Variants in CCZ1 observed in about 807,000 individuals in gnomAD.
CCZ1 encodes the protein CCZ1 vacuolar protein trafficking and biogenesis associated.
In CCZ1, 19 loss-of-function variants were observed where a neutral mutation model predicts 57.8. The ratio of observed to expected loss-of-function variants is 0.33; its 90% confidence interval spans 0.23 to 0.48. The LOEUF is 0.48. CCZ1 is among the 20% of genes least tolerant of loss of function. The pLI is 0.99. For missense variants in CCZ1, 200 were observed against 492.0 expected, an observed-to-expected ratio of 0.41 and a Z score of 5.61; for synonymous variants, 81 against 167.0, an observed-to-expected ratio of 0.49 and a Z score of 3.97.
intron 8 of CCZ1, among the ~76,000 whole-genome samples, chr7:5,911,021 C>G (rs1170127165): frequency 1.3e-5 from 2 of 148,938 alleles, no homozygotes; most frequent in African/African-American, 2.5e-5. Flanking sequence ...CAGGCGTGAG[C>G]TACTGCTCCT....
chr7:5,906,323 CTTTT>C (rs398066572), intron 7 of CCZ1, among the ~76,000 whole-genome samples: 15,046 of 127,682 alleles, frequency 0.12, 1,408 homozygotes, highest in African/African-American at 0.25. Context: ...TTCTTTCTTT[CTTTT>C]TTTTTTTTTT....
At chr7:5,900,161 G>A (rs914193866) in intron 1 of CCZ1, 123 bp from the exon 2 acceptor site, 4 of 1,317,660 alleles carry the variant, frequency 3.0e-6, no homozygotes, top group South Asian at 1.6e-5. Flanking sequence ...TTCTAAAACC[G>A]GTTTTTGTTT....
intron 8 of CCZ1, among the ~76,000 whole-genome samples, chr7:5,910,596 G>A (rs1210466632): frequency 6.9e-6 from 1 of 144,500 alleles, no homozygotes; most frequent in African/African-American, 2.5e-5. Context: ...AAAGTGCTGG[G>A]ATTACAGGCG....
chr7:5,905,922 C>G (rs1438756918), intron 7 of CCZ1, among the ~76,000 whole-genome samples: 4 of 42,536 alleles, frequency 9.4e-5, no homozygotes, highest in Admixed American at 2.6e-4. Flanking sequence ...TTTTTTCTTT[C>G]TTATAGAGAC....
At position 5,911,558 on chromosome 7, in the gene CCZ1, G is replaced by C. The variant is rs1432021725; in HGVS notation, c.781-303G>C. Among the ~76,000 whole-genome samples the C allele has an allele frequency of 4.7e-5, 7 of 149,044 alleles. 1 individual carries two copies. The East Asian group carries it at 1.5e-3, about 33-fold the overall frequency. On this transcript the variant is annotated intron_variant, in intron 8 of 14. Transcript: ENST00000325974. ...AATCTGCCTGCCTTGGCCTCCCAAA[G>C]TGCTGGGATTATAGGCATGAGCCAC...
In CCZ1 at chr7:5,901,687, T is replaced by C. The variant is rs1200254434; in HGVS notation, c.421T>C (p.Cys141Arg). 7 of 1,598,938 alleles carry C rather than the reference T, an allele frequency of 4.4e-6. 1 individual carries two copies. The highest frequency in any genetic ancestry group is 2.5e-5 in the East Asian group (1 of 40,676). ...DKVYSSVLRQ[C>R]YSMYKLFNGT... The stretch of plus-strand genomic sequence containing the variant: ...GGTTTATAGCTCGGTGCTGCGGCAG[T>C]GCTACAGCATGTACAAGGTAAGCGT... Residue 141 changes from cysteine (C) to arginine (R), a missense_variant, in exon 5 of 15, where the codon TGC becomes CGC. By Grantham distance (180) the Cys-to-Arg change is radical. Transcript: ENST00000325974.
At chr7:5,903,317 G>A (rs1184021222) in intron 6 of CCZ1, among the ~76,000 whole-genome samples, 1 of 142,498 alleles carries the variant, frequency 7.0e-6, no homozygotes, top group African/African-American at 2.6e-5. Flanking sequence ...CAAAGAGACA[G>A]GGTCTTGTCT....
intron 10 of CCZ1, among the ~76,000 whole-genome samples, chr7:5,915,778 A>ACCCCCCCC (rs375713153): frequency 1.8e-5 from 2 of 111,342 alleles, no homozygotes; most frequent in African/African-American, 6.2e-5. Context: ...GTGTTCCAAA[A>ACCCCCCCC]CCCCCGGGAG....
At chr7:5,907,398 G>A (rs1376671775) in intron 7 of CCZ1, among the ~76,000 whole-genome samples, 2 of 149,404 alleles carry the variant, frequency 1.3e-5, no homozygotes, top group Non-Finnish European at 2.9e-5. Context: ...GCGATAGGGA[G>A]ATGTCATGTG....
chr7:5,911,456 C>T lies in CCZ1; in HGVS notation c.781-405C>T, dbSNP rs1379256642. ...TAGCTGAGACTACAGGTGTGTGCCACCACACCTGGCTAATTTTTTGTAGAG... is the reference window on the plus strand; with the variant it reads ...TAGCTGAGACTACAGGTGTGTGCCATCACACCTGGCTAATTTTTTGTAGAG... On this transcript the variant is annotated intron_variant, in intron 8 of 14. Coordinates refer to ENST00000325974, the MANE Select transcript of CCZ1 (RefSeq NM_015622.6). Among the ~76,000 whole-genome samples, 33 of 133,716 alleles carry T rather than the reference C, an allele frequency of 2.5e-4. 2 individuals are homozygous for T. Among genetic ancestry groups the T allele is most frequent in the African/African-American group, 8.4e-4 (32 of 37,952 alleles). The allele number at this position is 133,716 out of a possible 152,430, so 87.7% of individuals were successfully genotyped here.
intron 12 of CCZ1, among the ~76,000 whole-genome samples, chr7:5,920,960 T>C (rs1272494323): frequency 8.7e-6 from 1 of 114,946 alleles, no homozygotes; most frequent in South Asian, 2.6e-4. Flanking sequence ...GGTTTTTTTT[T>C]TTTTTTTTTT....
intron 7 of CCZ1, among the ~76,000 whole-genome samples, chr7:5,909,370 C>T (rs1261315797): frequency 6.7e-6 from 1 of 150,326 alleles, no homozygotes; most frequent in Non-Finnish European, 1.5e-5. Context: ...CACTGTAATC[C>T]AGCCTGGGCG....
At chr7:5,916,504 T>TG (rs1356457252) in intron 10 of CCZ1, among the ~76,000 whole-genome samples, 1 of 7,742 alleles carries the variant, frequency 1.3e-4, no homozygotes, top group Admixed American at 1.3e-3. Flanking sequence ...TTTTGTTTTT[T>TG]GTTTTTTTTT....
chr7:5,908,748 T>TA (rs1360975920), intron 7 of CCZ1, among the ~76,000 whole-genome samples: 2 of 143,622 alleles, frequency 1.4e-5, no homozygotes, highest in Admixed American at 7.0e-5. Flanking sequence ...TGTCTCCTTT[T>TA]AAAAAACCGG....
At position 5,902,690 on chromosome 7, in the gene CCZ1, GGAA is replaced by G. The variant is rs1481833485; in HGVS notation, c.471_473del (p.Glu157del). On this transcript the variant is annotated inframe_deletion, in exon 6 of 15. Transcript: ENST00000325974. Reference sequence around the variant, plus strand: ...TTAATGGTACATTTCTGAAAGCCATGGAAGACGGAGGCGTCAAGCTTCTGAAAG... The same window carrying G: ...TTAATGGTACATTTCTGAAAGCCATGGACGGAGGCGTCAAGCTTCTGAAAG... 1 of 1,590,904 alleles carries G rather than the reference GGAA, an allele frequency of 6.3e-7. No individual in the cohort carries two copies. Among genetic ancestry groups the G allele is most frequent in the Non-Finnish European group, 8.5e-7 (1 of 1,175,752 alleles).
rs369436541 is a variant in CCZ1, at chr7:5,905,205, A to G, written c.634A>G (p.Arg212Gly). ...TTTGAAAATCCAGTCCTTTATTAAT[A>G]GAATGGAGGAAAGCCTGAATATAGT... ...TYLKIQSFIN[R>G]MEESLNIVKY... Residue 212 changes from arginine (R) to glycine (G), a missense_variant, in exon 7 of 15, where the codon AGA becomes GGA. Physicochemically the swap from Arg to Gly is moderately radical, Grantham distance 125. Coordinates refer to ENST00000325974, the MANE Select transcript of CCZ1 (RefSeq NM_015622.6). 2.5e-5 allele frequency: 39 copies of G among 1,565,010 alleles called. 4 individuals are homozygous for G. In the African/African-American group the frequency reaches 4.8e-4, roughly 19 times the overall value.
intron 10 of CCZ1, among the ~76,000 whole-genome samples, chr7:5,915,364 CAAG>C (rs1779128006): frequency 7.0e-6 from 1 of 142,320 alleles, no homozygotes; most frequent in Non-Finnish European, 1.5e-5. Flanking sequence ...GACCCCATCT[CAAG>C]AAAAAAATCA....
chr7:5,911,779 T>G (rs1779045608), intron 8 of CCZ1, 82 bp from the exon 9 acceptor site: 1 of 907,374 alleles, frequency 1.1e-6, no homozygotes, highest in Non-Finnish European at 1.6e-6. Flanking sequence ...TGGAACCAAT[T>G]AGTAGATAAT....
chr7:5,925,573 A>G (rs1779349910), intron 14 of CCZ1, 59 bp from the exon 15 acceptor site: 3 of 1,609,210 alleles, frequency 1.9e-6, no homozygotes, highest in African/African-American at 1.3e-5. Context: ...TTAATTATAT[A>G]TCATGTAACC....
Sources: allele counts gnomAD v4.1 joint callset (sites outside exome capture counted in the v4.1 genomes callset), GRCh38; gene constraint gnomAD v4.1.1; transcripts MANE v1.5; gene names NCBI Gene and HGNC (gene_info 2026-07-23, HGNC 2026-07-21).